Variants in TBC1D31 observed in about 807,000 individuals in gnomAD.
TBC1D31 encodes TBC1 domain family member 31.
In TBC1D31, 99 loss-of-function variants were observed where a neutral mutation model predicts 132.9. That is an observed-to-expected ratio of 0.74 (90% CI 0.63 to 0.88). The LOEUF (loss-of-function observed/expected upper bound fraction) is 0.88. Ranked by LOEUF, TBC1D31 falls within the 40% of genes least tolerant of loss-of-function variation. TBC1D31 has a pLI of 0.00. For synonymous variants in TBC1D31, 385 were observed against 419.4 expected (o/e 0.92, Z 1.00); for missense variants, 1,134 against 1,256.6 (o/e 0.90, Z 1.48).
At chr8:123,091,745 T>C (rs1816345391) in intron 4 of TBC1D31, among the ~76,000 whole-genome samples, 1 of 152,208 alleles carries the variant, frequency 6.6e-6, no homozygotes, top group Non-Finnish European at 1.5e-5. Context: ...CACTGAAACT[T>C]TTACGAGAAA....
chr8:123,072,838 G>A lies in TBC1D31; in HGVS notation c.69G>A (p.Thr23=), dbSNP rs1173511185. Residue 23 remains threonine, a synonymous_variant, in exon 1 of 22, where the codon ACG becomes ACA. Coordinates refer to ENST00000287380, the MANE Select transcript of TBC1D31 (RefSeq NM_145647.4). ...GGCACCGCAAGCCGTCCCCGGCCAC[G>A]CGGGACGGGTAAAGGCCGTGGCGGG... is the stretch of plus-strand genomic sequence containing the variant. ...KIWHRKPSPA[T]RDGIIVNIIH... is the part of the protein sequence containing the mutation. The A allele has an allele frequency of 1.3e-6, 2 of 1,567,160 alleles. No homozygotes were observed. The highest frequency in any genetic ancestry group is 1.9e-5 in the Admixed American group (1 of 52,866).
chr8:123,101,704 C>T (rs768339948), intron 7 of TBC1D31, among the ~76,000 whole-genome samples: 4 of 152,176 alleles, frequency 2.6e-5, no homozygotes, highest in Non-Finnish European at 5.9e-5. Flanking sequence ...TGAGCCACCA[C>T]GCCCAGCCCA....
At chr8:123,136,524 C>T (rs965915286) in intron 17 of TBC1D31, among the ~76,000 whole-genome samples, 1 of 152,194 alleles carries the variant, frequency 6.6e-6, no homozygotes, top group Non-Finnish European at 1.5e-5. Flanking sequence ...GATCTCGGCT[C>T]ACTGCAACCT....
At chr8:123,143,108 A>T (rs1821860917) in intron 19 of TBC1D31, among the ~76,000 whole-genome samples, 1 of 152,006 alleles carries the variant, frequency 6.6e-6, no homozygotes, top group African/African-American at 2.4e-5. Flanking sequence ...ATCCAAGATG[A>T]CTCCTGGAGT....
chr8:123,156,595 G>A (rs887286892), downstream of TBC1D31, among the ~76,000 whole-genome samples: 1 of 152,152 alleles, frequency 6.6e-6, no homozygotes, highest in African/African-American at 2.4e-5. Context: ...GAGAATGGCT[G>A]AGTTATCAAG....
intron 2 of TBC1D31, 118 bp downstream of exon 2, chr8:123,077,375 G>C: frequency 1.9e-6 from 2 of 1,058,842 alleles, no homozygotes; most frequent in East Asian, 2.7e-5. Context: ...TATATTTCAG[G>C]TACCTTGCAA....
intron 2 of TBC1D31, among the ~76,000 whole-genome samples, chr8:123,078,449 A>G (rs1814773735): frequency 6.6e-6 from 1 of 152,218 alleles, no homozygotes; most frequent in African/African-American, 2.4e-5. Context: ...AGAGGTATGT[A>G]CACATATATG....
chr8:123,086,414 G>A (rs779225863), intron 4 of TBC1D31, among the ~76,000 whole-genome samples: 10 of 152,182 alleles, frequency 6.6e-5, no homozygotes, highest in Non-Finnish European at 1.3e-4. Flanking sequence ...CTGGAGACTG[G>A]AAGCACTGGC....
intron 3 of TBC1D31, 87 bp from the exon 4 acceptor site, chr8:123,084,075 C>G (rs4871346): frequency 0.37 from 416,590 of 1,131,002 alleles, 80,947 homozygotes; most frequent in African/African-American, 0.62. Flanking sequence ...CCACCCATTG[C>G]ATCAGTTCAT....
intron 10 of TBC1D31, among the ~76,000 whole-genome samples, chr8:123,115,954 G>C (rs1818869953): frequency 6.6e-6 from 1 of 152,104 alleles, no homozygotes; most frequent in African/African-American, 2.4e-5. Flanking sequence ...ACATCTTTTG[G>C]GGAGGGGGAC....
downstream of TBC1D31, among the ~76,000 whole-genome samples, chr8:123,153,751 T>C (rs1056426000): frequency 6.6e-6 from 1 of 152,254 alleles, no homozygotes; most frequent in African/African-American, 2.4e-5. Context: ...GGGGCTGAAC[T>C]TGGCTAAAAT....
chr8:123,105,744 G>A (rs1343021906), intron 8 of TBC1D31, among the ~76,000 whole-genome samples: 1 of 152,100 alleles, frequency 6.6e-6, no homozygotes, highest in African/African-American at 2.4e-5. Context: ...TATTAATAGA[G>A]AAGTGACATT....
intron 4 of TBC1D31, among the ~76,000 whole-genome samples, chr8:123,092,886 A>G (rs1436082894): frequency 7.0e-6 from 1 of 142,750 alleles, no homozygotes; most frequent in East Asian, 2.0e-4. Context: ...GTCTTGGCTC[A>G]CTGCAACCTC....
rs539427444 is a variant in TBC1D31 at position 123,135,153 on chromosome 8, G to A, written c.2499+947G>A. ...GGGCTCAAGCAATCTGCACACCTCG[G>A]CCTCCCGAAGTGCTAGGATTACAGG... is the stretch of plus-strand genomic sequence containing the variant. On this transcript the variant is annotated intron_variant, in intron 17 of 21. Coordinates refer to ENST00000287380, the MANE Select transcript of TBC1D31 (RefSeq NM_145647.4). Among the ~76,000 whole-genome samples, 7 of 152,314 alleles carry A rather than the reference G, an allele frequency of 4.6e-5. No homozygotes were observed. The East Asian group carries it at 1.3e-3, about 29-fold the overall frequency.
chr8:123,119,959 GA>G, intron 10 of TBC1D31, 95 bp from the exon 11 acceptor site: 1 of 1,116,948 alleles, frequency 9.0e-7, no homozygotes, highest in Non-Finnish European at 1.2e-6. Context: ...GTACAAGGAA[GA>G]ATTTTCACCA....
rs1218838414 is a variant in TBC1D31 at position 123,105,776 on chromosome 8, T to G, written c.1209+312T>G. ...CATTATTTTCAAGGGATTTGAAAAC[T>G]TTTTAATGACAAATATAATCACACA... On this transcript the variant is annotated intron_variant, in intron 8 of 21. Transcript: ENST00000287380. 3.9e-5 allele frequency among the ~76,000 whole-genome samples: 6 copies of G among 152,170 alleles called. 1 individual carries two copies. The highest frequency in any genetic ancestry group is 8.8e-5 in the Non-Finnish European group (6 of 68,024).
intron 2 of TBC1D31, among the ~76,000 whole-genome samples, chr8:123,081,764 G>A (rs62520598): frequency 7.2e-5 from 11 of 152,124 alleles, no homozygotes; most frequent in Non-Finnish European, 1.3e-4. Flanking sequence ...GAAGACCAAG[G>A]GAAAGGGGTT....
At chr8:123,163,910 AC>A in the TBC1D31 span, among the ~76,000 whole-genome samples, 1 of 152,164 alleles carries the variant, frequency 6.6e-6, no homozygotes. Flanking sequence ...TAGCTCCAAA[AC>A]TTTTTCATCA....
At chr8:123,098,920 G>A (rs1387974156) in intron 6 of TBC1D31, among the ~76,000 whole-genome samples, 1 of 152,142 alleles carries the variant, frequency 6.6e-6, no homozygotes, top group African/African-American at 2.4e-5. Context: ...CCAACCAACA[G>A]GAGAACTTTA....
Sources: gnomAD v4.1 joint callset for allele counts (sites outside exome capture counted in the v4.1 genomes callset) on GRCh38, gnomAD v4.1.1 for gene constraint, MANE v1.5 for transcripts, NCBI Gene and HGNC (gene_info 2026-07-23, HGNC 2026-07-21) for gene names.